The following EBF3 variants were observed in gnomAD, a reference collection of about 807,000 sequenced individuals.
EBF3 encodes the protein transcription factor COE3.
Under a neutral mutation model 77.1 loss-of-function variants are expected in EBF3, and 18 were observed. That is an observed-to-expected ratio of 0.23 (90% CI 0.16 to 0.35). The LOEUF (loss-of-function observed/expected upper bound fraction) is 0.35, where lower values mean the gene tolerates loss of function less well. EBF3 is among the 10% of genes least tolerant of loss of function. EBF3 has a pLI of 1.00. For missense variants in EBF3, 558 were observed against 860.0 expected (o/e 0.65, Z 4.39); for synonymous variants, 350 against 343.5 (o/e 1.02, Z -0.21).
chr10:129,843,499 C>A, intron 11 of EBF3: 1 of 353,004 alleles, frequency 2.8e-6, no homozygotes, highest in East Asian at 4.6e-5. Context: ...GAGCCCAATC[C>A]GTGCCTGAGG....
intron 8 of EBF3, among the ~76,000 whole-genome samples, chr10:129,872,942 A>G (rs1022772242): frequency 6.6e-6 from 1 of 152,230 alleles, no homozygotes; most frequent in African/African-American, 2.4e-5. Flanking sequence ...GTTAAAAAAA[A>G]AAACGTATGC....
At chr10:129,845,646 A>C (rs1296604911) in intron 11 of EBF3, 1 of 152,248 alleles carries the variant, frequency 6.6e-6, no homozygotes, top group African/African-American at 2.4e-5. Flanking sequence ...TACATTGAAG[A>C]GTGCAGAGCC....
At chr10:129,953,604 A>C (rs1858829981) in intron 6 of EBF3, among the ~76,000 whole-genome samples, 1 of 152,208 alleles carries the variant, frequency 6.6e-6, no homozygotes, top group Admixed American at 6.5e-5. Flanking sequence ...AGACGGTGCC[A>C]TCTGGAACCG....
In EBF3 at chr10:129,876,201, G is replaced by A. The variant is rs1208577563; in HGVS notation, c.636+1567C>T. Among the ~76,000 whole-genome samples, 7 of 152,166 alleles carry A rather than the reference G, an allele frequency of 4.6e-5. No homozygotes were observed. In the East Asian group the frequency reaches 1.2e-3, roughly 25 times the overall value. On this transcript the variant is annotated intron_variant, in intron 7 of 16. Transcript: ENST00000440978. The stretch of plus-strand genomic sequence containing the variant: ...GATTGTGAAAGCAGCTGAAACTATT[G>A]TGTAAGCACTGCCATCCTCCTAGGT...
At chr10:129,904,269 A>C (rs1854979809) in intron 6 of EBF3, among the ~76,000 whole-genome samples, 1 of 152,192 alleles carries the variant, frequency 6.6e-6, no homozygotes, top group Non-Finnish European at 1.5e-5. Flanking sequence ...TTTAGCAACA[A>C]CTGTTAGCTT....
chr10:129,927,442 G>T (rs573204733), intron 6 of EBF3, among the ~76,000 whole-genome samples: 67 of 152,244 alleles, frequency 4.4e-4, no homozygotes, highest in African/African-American at 1.6e-3. Context: ...CCTTACAAAA[G>T]GCACAGAAAG....
chr10:129,841,091 G>A lies in EBF3; in HGVS notation c.1373-59C>T. ...TTATTATCAGCGACAGACACTTGGG[G>A]GGGGTTCCCCGAGAATCTATATCAT... On this transcript the variant is annotated intron_variant, in intron 13 of 16. Coordinates refer to ENST00000440978, the MANE Select transcript of EBF3 (RefSeq NM_001375380.1). This position sits in a 1 kb window ranked among gnomAD's most constrained non-coding sequence, Gnocchi z 4.6. 6.3e-7 allele frequency: 1 copy of A among 1,587,338 alleles called. No homozygotes were observed. The highest frequency in any genetic ancestry group is 8.6e-7 in the Non-Finnish European group (1 of 1,167,948).
chr10:129,900,390 TG>T (rs776354154), intron 6 of EBF3, among the ~76,000 whole-genome samples: 1 of 136,898 alleles, frequency 7.3e-6, no homozygotes, highest in African/African-American at 2.8e-5. Flanking sequence ...AGAGCAAGGA[TG>T]GGGGGTAGGA....
At chr10:129,847,753 GCTTGA>G (rs917479349) in intron 11 of EBF3, among the ~76,000 whole-genome samples, 3 of 152,178 alleles carry the variant, frequency 2.0e-5, no homozygotes, top group Admixed American at 6.5e-5. Context: ...AAAATTATAA[GCTTGA>G]CTTGTCTTTA....
intron 6 of EBF3, among the ~76,000 whole-genome samples, chr10:129,910,384 A>G (rs1855444363): frequency 6.6e-6 from 1 of 152,214 alleles, no homozygotes. Context: ...AAAAACCAAG[A>G]AACAGCTATG....
chr10:129,909,566 T>C (rs1001363594), intron 6 of EBF3, among the ~76,000 whole-genome samples: 3 of 152,210 alleles, frequency 2.0e-5, no homozygotes, highest in African/African-American at 4.8e-5. Context: ...GAGCAGCAGC[T>C]AAGCCTTAAA....
At chr10:129,872,710 G>T (rs528040199) in intron 8 of EBF3, among the ~76,000 whole-genome samples, 1 of 152,242 alleles carries the variant, frequency 6.6e-6, no homozygotes, top group South Asian at 2.1e-4. Context: ...AATGTTTAAT[G>T]GGGGAAGTGG....
At chr10:129,956,104 A>G (rs1474052338) in intron 6 of EBF3, among the ~76,000 whole-genome samples, 1 of 152,226 alleles carries the variant, frequency 6.6e-6, no homozygotes, top group Non-Finnish European at 1.5e-5. Flanking sequence ...CCCTTCTGTC[A>G]GATACCGAAC....
intron 6 of EBF3, among the ~76,000 whole-genome samples, chr10:129,914,375 G>A (rs77038317): frequency 0.12 from 18,946 of 152,212 alleles, 1,282 homozygotes; most frequent in Non-Finnish European, 0.15. Flanking sequence ...CCTAAGGACT[G>A]GCCTGGGGAA....
rs1004184913 is a variant in EBF3 at position 129,897,587 on chromosome 10, G to A, written c.555-19738C>T. Among the ~76,000 whole-genome samples, 6 of 152,042 alleles carry A rather than the reference G, an allele frequency of 3.9e-5. No individual in the cohort carries two copies. Among genetic ancestry groups the A allele is most frequent in the South Asian group, 4.2e-4 (2 of 4,792 alleles). ...CACACGACCCTTTTATCCGAGAGGCGAAGCCCGGGAAGGTTCTCGAGGGCG... is the reference window on the plus strand; with the variant it reads ...CACACGACCCTTTTATCCGAGAGGCAAAGCCCGGGAAGGTTCTCGAGGGCG... On this transcript the variant is annotated intron_variant, in intron 6 of 16. Transcript: ENST00000440978. This position sits in a 1 kb window ranked among gnomAD's most constrained non-coding sequence, Gnocchi z 4.6.
rs1854511790 is a variant in EBF3 at position 129,897,978 on chromosome 10, C to A, written c.555-20129G>T. 6.6e-6 allele frequency among the ~76,000 whole-genome samples: 1 copy of A among 152,108 alleles called. No homozygotes were observed. The highest frequency in any genetic ancestry group is 1.5e-5 in the Non-Finnish European group (1 of 68,034). The stretch of plus-strand genomic sequence containing the variant: ...CTGGGGCTGCTCAACAGAAGAGAGC[C>A]CGAGCTGACCCGTTGCTGTATTAAA... On this transcript the variant is annotated intron_variant, in intron 6 of 16. Transcript: ENST00000440978. This position sits in a 1 kb window ranked among gnomAD's most constrained non-coding sequence, Gnocchi z 4.6.
At position 129,867,129 on chromosome 10, in the gene EBF3, CT is replaced by C. The variant is rs1852079493; in HGVS notation, c.1039+11del. 6.2e-7 allele frequency: 1 copy of C among 1,611,338 alleles called. No individual in the cohort carries two copies. Among genetic ancestry groups the C allele is most frequent in the African/African-American group, 1.3e-5 (1 of 74,766 alleles). ...TACCGCTTTCCCGCAGAAGCTGGAGCTGTGAACTCACCGGTGTAGACAAAGC... is the reference window on the plus strand; with the variant it reads ...TACCGCTTTCCCGCAGAAGCTGGAGCGTGAACTCACCGGTGTAGACAAAGC... On this transcript the variant is annotated intron_variant, in intron 10 of 16. Coordinates refer to ENST00000440978, the MANE Select transcript of EBF3 (RefSeq NM_001375380.1).
At position 129,837,068 on chromosome 10, in the gene EBF3, G is replaced by C. The variant is rs1342802223; in HGVS notation, c.*875C>G. The C allele has an allele frequency of 1.3e-5, 2 of 152,582 alleles. No individual in the cohort carries two copies. The highest frequency in any genetic ancestry group is 3.8e-4 in the East Asian group (2 of 5,196). The allele number at this position is 152,582 out of a possible 1,614,324, so 9.5% of individuals were successfully genotyped here. On this transcript the variant is annotated 3_prime_UTR_variant, in exon 17 of 17. Transcript: ENST00000440978. Reference sequence around the variant, plus strand: ...ATAACCACATACAAAACACATTAGGGAAGAAGGATCTAGAAGTCAAAAGGA... The same window carrying C: ...ATAACCACATACAAAACACATTAGGCAAGAAGGATCTAGAAGTCAAAAGGA...
rs538631307 is a variant in EBF3, at chr10:129,935,356, G to C, written c.554+21902C>G. On this transcript the variant is annotated intron_variant, in intron 6 of 16. Coordinates refer to ENST00000440978, the MANE Select transcript of EBF3 (RefSeq NM_001375380.1). The surrounding 1 kb of genome is among the most constrained non-coding windows in gnomAD (Gnocchi z 4.2). ...GGTGGCCCTGCCTTCCCAGCTCTCC[G>C]GTGGGGAAGGTGGGATCCTGTCCTG... Among the ~76,000 whole-genome samples the C allele has an allele frequency of 6.6e-6, 1 of 152,222 alleles. No individual in the cohort carries two copies. Among genetic ancestry groups the C allele is most frequent in the African/African-American group, 2.4e-5 (1 of 41,520 alleles).
Sources: gnomAD v4.1 joint callset for allele counts (sites outside exome capture counted in the v4.1 genomes callset) on GRCh38, gnomAD v4.1.1 for gene constraint, Gnocchi (gnomAD v3.1) non-coding constraint, MANE v1.5 for transcripts, NCBI Gene and HGNC (gene_info 2026-07-23, HGNC 2026-07-21) for gene names.